COL16A1: variants seen among roughly 807,000 people sequenced by gnomAD.
COL16A1 encodes collagen type XVI alpha 1 chain.
COL16A1 carries 189 observed loss-of-function variants against 266.3 expected under a neutral mutation model. The observed-to-expected ratio is 0.71, with a 90% CI of 0.63 to 0.80. COL16A1 has a LOEUF of 0.80. COL16A1 is among the 30% of genes least tolerant of loss of function. The probability of loss-of-function intolerance (pLI) is 0.00; values close to 1 mark genes in which losing one functional copy is unlikely to be tolerated. For synonymous variants in COL16A1, 740 were observed against 782.3 expected (o/e 0.95, Z 0.90); for missense variants, 1,928 against 2,122.4 (o/e 0.91, Z 1.80).
chr1:31,691,051 G>A (rs141755241), intron 20 of COL16A1, 137 bp downstream of exon 20: 110 of 1,397,168 alleles, frequency 7.9e-5, no homozygotes, highest in South Asian at 7.5e-4. Flanking sequence ...TGGCCAAGCC[G>A]AGCCCAGCCT....
intron 42 of COL16A1, among the ~76,000 whole-genome samples, chr1:31,675,932 T>C (rs2148729247): frequency 6.6e-6 from 1 of 152,326 alleles, no homozygotes; most frequent in East Asian, 1.9e-4. Flanking sequence ...GTTGAAATTA[T>C]AGGCGTGAAC....
At chr1:31,696,923 T>C in intron 8 of COL16A1, 40 bp downstream of exon 8, 1 of 1,611,634 alleles carries the variant, frequency 6.2e-7, no homozygotes, top group Non-Finnish European at 8.5e-7. Context: ...ATCTCACTTG[T>C]GCCTGCCTGT....
rs989887595 is a variant in COL16A1, at chr1:31,685,897, T to C, written c.1885-127A>G. The C allele has an allele frequency of 2.0e-6, 3 of 1,517,056 alleles. No individual in the cohort carries two copies. The allele number at this position is 1,517,056 out of a possible 1,614,324, so 94.0% of individuals were successfully genotyped here. On this transcript the variant is annotated intron_variant, in intron 28 of 70. Coordinates refer to ENST00000373672, the MANE Select transcript of COL16A1 (RefSeq NM_001856.4). The surrounding 1 kb of genome is among the most constrained non-coding windows in gnomAD (Gnocchi z 4.0). ...CACCTCTGCTGGGTGAGGGGTTATC[T>C]TGGGAAAGATGAAGGGAGAACAGGA...
chr1:31,659,740 C>T (rs59935459), intron 62 of COL16A1: 21,295 of 152,158 alleles, frequency 0.14, 2,841 homozygotes, highest in African/African-American at 0.35. Flanking sequence ...TGCCACACTG[C>T]AAGACGAAGG....
chr1:31,680,868 T>A (rs370558134), intron 39 of COL16A1, 37 bp downstream of exon 39: 79 of 1,613,836 alleles, frequency 4.9e-5, no homozygotes, highest in Non-Finnish European at 6.1e-5. Flanking sequence ...GGGCTGCTAA[T>A]CCCCTAGAAT....
chr1:31,662,605 C>T lies in COL16A1; in HGVS notation c.3609G>A (p.Pro1203=), dbSNP rs758629607. 7 of 1,566,726 alleles carry T rather than the reference C, an allele frequency of 4.5e-6. No homozygotes were observed. In the African/African-American group the frequency reaches 6.8e-5, roughly 15 times the overall value. ...PSGLPGSPGP[P]GPPGIQGPAG... Reference sequence around the variant, plus strand: ...CACTCACCTGAATCCCAGGAGGTCCCGGTGGCCCAGGGGAGCCAGGCAGGC... The same window carrying T: ...CACTCACCTGAATCCCAGGAGGTCCTGGTGGCCCAGGGGAGCCAGGCAGGC... Residue 1203 remains proline (P), a synonymous_variant, in exon 57 of 71, where the codon CCG becomes CCA. Transcript: ENST00000373672.
In COL16A1 at chr1:31,656,968, G is replaced by A. The variant is rs771355599; in HGVS notation, c.4056+65C>T. 1.9e-6 allele frequency: 3 copies of A among 1,605,960 alleles called. No individual in the cohort carries two copies. The highest frequency in any genetic ancestry group is 2.6e-6 in the Non-Finnish European group (3 of 1,172,732). ...ATGTTTACTGAAAAAAATGAAGAGG[G>A]GTCAGGGCAAGGCGAGGAGCAAGAA... On this transcript the variant is annotated intron_variant, in intron 65 of 70. Transcript: ENST00000373672. This position sits in a 1 kb window ranked among gnomAD's most constrained non-coding sequence, Gnocchi z 4.2.
Position 31,693,254 on chromosome 1 carries a change from A to T in COL16A1, c.1009-100T>A, listed in dbSNP as rs766938668. 2.2e-5 allele frequency: 16 copies of T among 715,462 alleles called. No homozygotes were observed. The South Asian group carries it at 2.4e-4, about 11-fold the overall frequency. The allele number at this position is 715,462 out of a possible 1,614,324, so 44.3% of individuals were successfully genotyped here. A position where few individuals can be genotyped will look rare whatever the true frequency, so the allele number is the denominator to read the frequency against. ...TGGCCCCCTCCACCCATCCCCCCAC[A>T]CACGGGTACGCAAATACGCACACAT... On this transcript the variant is annotated intron_variant, in intron 12 of 70. Transcript: ENST00000373672.
chr1:31,689,680 A>G, intron 23 of COL16A1, 61 bp downstream of exon 23: 1 of 1,356,912 alleles, frequency 7.4e-7, no homozygotes, highest in Non-Finnish European at 1.1e-6. Context: ...CTCTATGATC[A>G]TGTCCCCAGG....
intron 64 of COL16A1, among the ~76,000 whole-genome samples, chr1:31,658,133 G>C (rs1641330865): frequency 6.6e-6 from 1 of 152,244 alleles, no homozygotes; most frequent in Non-Finnish European, 1.5e-5. Flanking sequence ...GGAAGTTACA[G>C]TAACAGCACT....
In COL16A1 at chr1:31,652,556, C is replaced by CAAAA; in HGVS notation, c.*94_*95insTTTT. 1 of 1,079,214 alleles carries CAAAA rather than the reference C, an allele frequency of 9.3e-7. No homozygotes were observed. The highest frequency in any genetic ancestry group is 1.2e-6 in the Non-Finnish European group (1 of 807,446). 66.9% of individuals were successfully genotyped at this position (1,079,214 alleles called of 1,614,324 possible). On this transcript the variant is annotated 3_prime_UTR_variant, in exon 71 of 71. Transcript: ENST00000373672. This position sits in a 1 kb window ranked among gnomAD's most constrained non-coding sequence, Gnocchi z 4.8. ...TAACAGCAATTAAAAACAACAACAA[C>CAAAA]AACAAAAAAAACATTCACAACCTGT...
rs760201470 is a variant in COL16A1, at chr1:31,680,885, C to T, written c.2610+20G>A. 2 of 1,614,128 alleles carry T rather than the reference C, an allele frequency of 1.2e-6. No individual in the cohort carries two copies. Among genetic ancestry groups the T allele is most frequent in the East Asian group, 4.5e-5 (2 of 44,880 alleles). On this transcript the variant is annotated intron_variant, in intron 39 of 70. Coordinates refer to ENST00000373672, the MANE Select transcript of COL16A1 (RefSeq NM_001856.4). ...GCTGCTAATCCCCTAGAATATGGGT[C>T]ACAGGCCCTTGGAACTCACCTTCTC...
Position 31,694,147 on chromosome 1 carries a change from G to C in COL16A1, c.1005C>G (p.Pro335=). The C allele has an allele frequency of 1.3e-6, 2 of 1,599,156 alleles. No homozygotes were observed. The highest frequency in any genetic ancestry group is 3.3e-4 in the Middle Eastern group (2 of 6,026). The change falls in exon 12 of 71, where the codon CCC becomes CCG. Residue 335 remains proline, a synonymous_variant. Transcript: ENST00000373672. ...DSNVTLAPSG[P]KGGKGERGLP... ...CCCGTTCTCCATTAGGACTCACCTT[G>C]GGGCCAGAGGGAGCAAGTGTGACCT...
chr1:31,654,126 C>A, intron 68 of COL16A1, 83 bp from the exon 69 acceptor site: 1 of 1,525,370 alleles, frequency 6.6e-7, no homozygotes, highest in Non-Finnish European at 8.8e-7. Context: ...ATATAGGCCA[C>A]CAGCATGAAG....
chr1:31,695,196 C>T lies in COL16A1; in HGVS notation c.971G>A (p.Arg324Gln), dbSNP rs375999793. The change falls in exon 11 of 71, where the codon CGG becomes CAG. Residue 324 changes from arginine (R) to glutamine (Q), a missense_variant. Transcript: ENST00000373672. ...DECPPCVHGA[R>Q]DSNVTLAPSG... ...CCTCCATTCACTCACATTGCTGTCC[C>T]GGGCACCATGGACACAGGGCGGACA... 43 of 1,613,764 alleles carry T rather than the reference C, an allele frequency of 2.7e-5. No individual in the cohort carries two copies. The highest frequency in any genetic ancestry group is 1.4e-4 in the South Asian group (13 of 91,062).
At chr1:31,655,959 G>A (rs1033110364) in intron 66 of COL16A1, 15 of 292,076 alleles carry the variant, frequency 5.1e-5, no homozygotes, top group South Asian at 1.8e-4. Flanking sequence ...CAGCCTCTCC[G>A]ACTCCCCAGG....
In COL16A1 at chr1:31,688,860, C is replaced by T; in HGVS notation, c.1767+1G>A. On this transcript the variant is annotated splice_donor_variant, in intron 25 of 70. Transcript: ENST00000373672. LOFTEE classifies it high-confidence loss of function. The surrounding 1 kb of genome is among the most constrained non-coding windows in gnomAD (Gnocchi z 4.9). ...TGGGCTGGGAGAAAGTCGTCACTCA[C>T]CGGAAGGCCAGGCAGACCAAAGCCA... 6.2e-7 allele frequency: 1 copy of T among 1,612,960 alleles called. No individual in the cohort carries two copies. The highest frequency in any genetic ancestry group is 8.5e-7 in the Non-Finnish European group (1 of 1,179,416).
At chr1:31,654,558 C>G (rs1019737426) in intron 68 of COL16A1, among the ~76,000 whole-genome samples, 1 of 152,168 alleles carries the variant, frequency 6.6e-6, no homozygotes, top group African/African-American at 2.4e-5. Flanking sequence ...CTCCTTTGCT[C>G]AAGTGGGGGC....
Position 31,668,908 on chromosome 1 carries a change from C to T in COL16A1, c.3196-53G>A. 7 of 1,531,928 alleles carry T rather than the reference C, an allele frequency of 4.6e-6. No individual in the cohort carries two copies. The highest frequency in any genetic ancestry group is 6.3e-6 in the Non-Finnish European group (7 of 1,115,110). The allele number at this position is 1,531,928 out of a possible 1,614,324, so 94.9% of individuals were successfully genotyped here. ...CAGGAGCCGGCGGTCCCCACCCAGC[C>T]CCTGACTCCTTCCCCCTGCCCCACT... On this transcript the variant is annotated intron_variant, in intron 49 of 70. Coordinates refer to ENST00000373672, the MANE Select transcript of COL16A1 (RefSeq NM_001856.4). The surrounding 1 kb of genome is among the most constrained non-coding windows in gnomAD (Gnocchi z 5.8).
Sources: gnomAD v4.1 joint callset for allele counts (sites outside exome capture counted in the v4.1 genomes callset) on GRCh38, gnomAD v4.1.1 for gene constraint, Gnocchi (gnomAD v3.1) non-coding constraint, MANE v1.5 for transcripts, NCBI Gene and HGNC (gene_info 2026-07-23, HGNC 2026-07-21) for gene names.